EPAS1: variants seen among roughly 807,000 people sequenced by gnomAD.
The protein encoded by EPAS1 is endothelial PAS domain protein 1, also known as endothelial PAS domain-containing protein 1.
In EPAS1, 23 loss-of-function variants were observed where a neutral mutation model predicts 87.9. The ratio of observed to expected loss-of-function variants is 0.26; its 90% CI spans 0.19 to 0.37. EPAS1 has a LOEUF of 0.37. Ranked by LOEUF, EPAS1 falls within the 10% of genes least tolerant of loss-of-function variation. EPAS1 has a pLI of 1.00. For missense variants in EPAS1, 1,138 were observed against 1,120.7 expected (o/e 1.02, Z -0.22); for synonymous variants, 508 against 444.3 (o/e 1.14, Z -1.80).
chr2:46,378,245 G>C (rs1020221337), intron 10 of EPAS1, among the ~76,000 whole-genome samples, 158 bp downstream of exon 10: 3 of 152,236 alleles, frequency 2.0e-5, no homozygotes, highest in African/African-American at 4.8e-5. Context: ...TATCAGAGCT[G>C]TTTTCTTCCT....
At chr2:46,331,252 C>A (rs1410898546) in intron 1 of EPAS1, among the ~76,000 whole-genome samples, 1 of 152,228 alleles carries the variant, frequency 6.6e-6, no homozygotes, top group Non-Finnish European at 1.5e-5. Context: ...CCTGACTGGG[C>A]TGTCAGTTCC....
chr2:46,370,320 A>G (rs958193345), intron 7 of EPAS1, among the ~76,000 whole-genome samples: 1 of 152,230 alleles, frequency 6.6e-6, no homozygotes, highest in Non-Finnish European at 1.5e-5. Context: ...ACTTGGGTGC[A>G]TGCTATAGAT....
intron 7 of EPAS1, among the ~76,000 whole-genome samples, chr2:46,374,742 T>TA (rs1254366714): frequency 6.6e-6 from 1 of 152,192 alleles, no homozygotes; most frequent in Non-Finnish European, 1.5e-5. Flanking sequence ...ATTCTAACAT[T>TA]ATTAGACTTT....
In EPAS1 at chr2:46,361,032, A is replaced by G. The variant is rs772671546; in HGVS notation, c.721A>G (p.Ser241Gly). ...HPSHMDIPLD[S>G]KTFLSRHSMD... Reference sequence around the variant, plus strand: ...ATCCCACATGGACATCCCCCTGGATAGCAAGACCTTCCTGAGCCGCCACAG... The same window carrying G: ...ATCCCACATGGACATCCCCCTGGATGGCAAGACCTTCCTGAGCCGCCACAG... Residue 241 changes from serine to glycine, a missense_variant, in exon 6 of 16, where the codon AGC (serine) becomes GGC (glycine). Ser to Gly is a moderately conservative substitution (Grantham distance 56). This residue lies in a region of EPAS1 where 351 missense variants were observed against 417.1 expected (regional missense o/e 0.84). Transcript: ENST00000263734. 15 of 1,614,160 alleles carry G rather than the reference A, an allele frequency of 9.3e-6. No homozygotes were observed. The South Asian group carries it at 1.5e-4, about 17-fold the overall frequency.
intron 9 of EPAS1, among the ~76,000 whole-genome samples, chr2:46,377,575 A>C (rs1223092551): frequency 6.6e-6 from 1 of 152,318 alleles, no homozygotes; most frequent in Middle Eastern, 3.4e-3. Flanking sequence ...CAATAGCCCA[A>C]TTCTCCTCTC....
chr2:46,359,257 C>CAAAAAAA (rs57351888), intron 4 of EPAS1, among the ~76,000 whole-genome samples: 357 of 25,060 alleles, frequency 0.014, 63 homozygotes, highest in African/African-American at 0.064. Context: ...GATTCTGTCT[C>CAAAAAAA]AAAAAAAAAA....
At chr2:46,353,110 C>T (rs1684204665) in intron 2 of EPAS1, among the ~76,000 whole-genome samples, 1 of 152,126 alleles carries the variant, frequency 6.6e-6, no homozygotes, top group Non-Finnish European at 1.5e-5. Context: ...GGCTAGAAAC[C>T]ACAGGGTTGG....
chr2:46,381,932 T>G, intron 13 of EPAS1, 43 bp from the exon 14 acceptor site: 1 of 1,353,296 alleles, frequency 7.4e-7, no homozygotes, highest in Non-Finnish European at 1.0e-6. Context: ...GGGACCTGGT[T>G]CTCTGGCCAT....
chr2:46,338,097 C>T (rs1683832598), intron 1 of EPAS1, among the ~76,000 whole-genome samples: 1 of 152,144 alleles, frequency 6.6e-6, no homozygotes, highest in Non-Finnish European at 1.5e-5. Context: ...GCTTATTGGC[C>T]TTGTAGGGAA....
chr2:46,334,472 C>T (rs1003498844), intron 1 of EPAS1, among the ~76,000 whole-genome samples: 1 of 152,108 alleles, frequency 6.6e-6, no homozygotes. Flanking sequence ...TCCTGATTGC[C>T]TCCCTGTATC....
chr2:46,320,388 A>C (rs2104848825), intron 1 of EPAS1, among the ~76,000 whole-genome samples: 1 of 152,364 alleles, frequency 6.6e-6, no homozygotes, highest in Non-Finnish European at 1.5e-5. Flanking sequence ...TGAAATGGCT[A>C]CTTCTGTACA....
intron 6 of EPAS1, among the ~76,000 whole-genome samples, chr2:46,369,592 C>G (rs1255507443): frequency 6.6e-6 from 1 of 152,180 alleles, no homozygotes; most frequent in African/African-American, 2.4e-5. Flanking sequence ...GTGCTTTTCT[C>G]TCCTCCCAAA....
intron 6 of EPAS1, among the ~76,000 whole-genome samples, chr2:46,367,906 T>C (rs1166909644): frequency 6.6e-6 from 1 of 152,208 alleles, no homozygotes; most frequent in Non-Finnish European, 1.5e-5. Context: ...TGTGTGTGTG[T>C]GTGTGCGCGT....
chr2:46,356,127 T>TTGGGGGGGGG, intron 2 of EPAS1, 24 bp from the exon 3 acceptor site: 3 of 1,395,468 alleles, frequency 2.1e-6, no homozygotes, highest in Non-Finnish European at 3.0e-6. Context: ...TCATGCAAGC[T>TTGGGGGGGGG]GTCCCACCCC....
intron 1 of EPAS1, among the ~76,000 whole-genome samples, chr2:46,328,361 A>T (rs1683606499): frequency 1.3e-5 from 2 of 152,174 alleles, no homozygotes; most frequent in South Asian, 4.1e-4. Flanking sequence ...CTCTTCGTTA[A>T]CCAAACATGG....
Position 46,297,835 on chromosome 2 carries a change from G to T in EPAS1, c.-77G>T. On this transcript the variant is annotated 5_prime_UTR_variant, in exon 1 of 16. Transcript: ENST00000263734. ...CCACCCGCCCGGGCCGCGGGGAGCG[G>T]ACGAGGGCCACAGCCCCCCACCCGC... 1 of 1,568,532 alleles carries T rather than the reference G, an allele frequency of 6.4e-7. No homozygotes were observed. Among genetic ancestry groups the T allele is most frequent in the Non-Finnish European group, 8.6e-7 (1 of 1,157,250 alleles).
intron 6 of EPAS1, among the ~76,000 whole-genome samples, chr2:46,363,079 A>G (rs535974913): frequency 1.2e-4 from 18 of 152,200 alleles, no homozygotes; most frequent in African/African-American, 4.3e-4. Flanking sequence ...GCAGGAATCC[A>G]TGTTATAGGT....
intron 1 of EPAS1, among the ~76,000 whole-genome samples, chr2:46,328,083 G>A (rs2104855457): frequency 6.6e-6 from 1 of 152,306 alleles, no homozygotes; most frequent in African/African-American, 2.4e-5. Context: ...GGTCCCCAGA[G>A]TCCATATGCA....
chr2:46,325,891 C>T (rs1683551772), intron 1 of EPAS1, among the ~76,000 whole-genome samples: 1 of 152,190 alleles, frequency 6.6e-6, no homozygotes, highest in African/African-American at 2.4e-5. Flanking sequence ...GTGAAAGCCC[C>T]TTACCTTCAC....
Sources: allele counts gnomAD v4.1 joint callset (sites outside exome capture counted in the v4.1 genomes callset), GRCh38; gene constraint gnomAD v4.1.1; regional missense constraint gnomAD v4.1.1; transcripts MANE v1.5; gene names NCBI Gene and HGNC (gene_info 2026-07-23, HGNC 2026-07-21).